B3GALT1: variants seen among roughly 807,000 people sequenced by gnomAD.
B3GALT1 encodes UDP-Gal:betaGlcNAc beta 1,3-galactosyltransferase, polypeptide 1.
A neutral mutation model predicts 23.2 loss-of-function variants in B3GALT1; 10 were observed. The observed-to-expected ratio is 0.43, with a 90% CI of 0.27 to 0.73. The LOEUF (loss-of-function observed/expected upper bound fraction) is 0.73, where lower values mean the gene tolerates loss of function less well. Among genes scored for constraint, B3GALT1 ranks in the 30% least tolerant of loss-of-function variants. The pLI, the probability that B3GALT1 is intolerant of heterozygous loss-of-function variation, is 0.21. For missense variants in B3GALT1, 299 were observed against 405.4 expected, an observed-to-expected ratio of 0.74 and a Z score of 2.25; for synonymous variants, 156 against 141.5, an observed-to-expected ratio of 1.10 and a Z score of -0.73.
intron 1 of B3GALT1, among the ~76,000 whole-genome samples, chr2:167,478,010 TTAAAA>T (rs1171031695): frequency 2.6e-5 from 4 of 152,214 alleles, no homozygotes; most frequent in African/African-American, 9.6e-5. Flanking sequence ...GCACAAAACA[TTAAAA>T]TAGAATATAT....
intron 1 of B3GALT1, among the ~76,000 whole-genome samples, chr2:167,409,003 C>T (rs530637766): frequency 6.6e-6 from 1 of 152,158 alleles, no homozygotes; most frequent in East Asian, 1.9e-4. Context: ...ACATTATTTA[C>T]AGAAATAGAA....
chr2:167,443,865 C>G (rs995605381), intron 1 of B3GALT1, among the ~76,000 whole-genome samples: 1 of 152,154 alleles, frequency 6.6e-6, no homozygotes, highest in African/African-American at 2.4e-5. Context: ...TTCTTTCTTT[C>G]TCCTGCCTGA....
chr2:167,867,424 T>G (rs904729535), intron 4 of B3GALT1, among the ~76,000 whole-genome samples: 22 of 152,296 alleles, frequency 1.4e-4, no homozygotes, highest in Non-Finnish European at 3.1e-4. Flanking sequence ...GGCCTAACTA[T>G]GCCTAGAGTC....
At chr2:167,419,614 A>G (rs1029381019) in intron 1 of B3GALT1, among the ~76,000 whole-genome samples, 1 of 152,232 alleles carries the variant, frequency 6.6e-6, no homozygotes, top group Non-Finnish European at 1.5e-5. Context: ...AAGTAAGGAC[A>G]GAAAGCCTTT....
Position 167,737,077 on chromosome 2 carries a change from C to G in B3GALT1, c.-351-81595C>G, listed in dbSNP as rs551129814. On this transcript the variant is annotated intron_variant, in intron 3 of 4. Transcript: ENST00000392690. ...GCAGATTTTAAAATCTATTTTTTTC[C>G]AATAATTACCTTTCCATTTAATTGT... is the stretch of plus-strand genomic sequence containing the variant. Among the ~76,000 whole-genome samples, 53 of 152,118 alleles carry G rather than the reference C, an allele frequency of 3.5e-4. No homozygotes were observed. In the South Asian group the frequency reaches 8.9e-3, roughly 26 times the overall value.
At chr2:167,635,826 C>T (rs1685542636) in intron 2 of B3GALT1, among the ~76,000 whole-genome samples, 1 of 152,060 alleles carries the variant, frequency 6.6e-6, no homozygotes, top group South Asian at 2.1e-4. Context: ...ACTTTCTTCA[C>T]AGAATTAGAA....
chr2:167,426,510 C>G (rs2105304858), intron 1 of B3GALT1, among the ~76,000 whole-genome samples: 1 of 152,240 alleles, frequency 6.6e-6, no homozygotes, highest in Non-Finnish European at 1.5e-5. Flanking sequence ...CTCTTGACCT[C>G]AGGTGATCCA....
intron 1 of B3GALT1, among the ~76,000 whole-genome samples, chr2:167,442,561 G>A (rs1698911875): frequency 1.3e-5 from 2 of 151,728 alleles, no homozygotes; most frequent in African/African-American, 4.9e-5. Flanking sequence ...ACTTTTGAAT[G>A]ATTGCCATTC....
intron 3 of B3GALT1, among the ~76,000 whole-genome samples, chr2:167,766,381 G>A (rs1687976438): frequency 6.6e-6 from 1 of 152,080 alleles, no homozygotes; most frequent in Non-Finnish European, 1.5e-5. Flanking sequence ...TGTACTAGGG[G>A]ACTCCAAAAA....
chr2:167,591,177 G>A (rs1194234689), intron 2 of B3GALT1, among the ~76,000 whole-genome samples: 1 of 152,144 alleles, frequency 6.6e-6, no homozygotes, highest in South Asian at 2.1e-4. Context: ...ATCTGTGTGT[G>A]TAAGAACGTA....
chr2:167,789,791 A>T (rs1175152490), intron 3 of B3GALT1, among the ~76,000 whole-genome samples: 1 of 151,918 alleles, frequency 6.6e-6, no homozygotes, highest in Non-Finnish European at 1.5e-5. Context: ...CCTCCCCCAC[A>T]GCCCCCAGCT....
At chr2:167,623,668 G>T (rs938080973) in intron 2 of B3GALT1, among the ~76,000 whole-genome samples, 12 of 152,098 alleles carry the variant, frequency 7.9e-5, no homozygotes, top group Admixed American at 5.2e-4. Flanking sequence ...GGGTTGATGG[G>T]TGCACCAAAC....
chr2:167,569,303 A>C (rs1489933538), intron 2 of B3GALT1, among the ~76,000 whole-genome samples: 1 of 151,854 alleles, frequency 6.6e-6, no homozygotes, highest in Non-Finnish European at 1.5e-5. Context: ...CAATACATCA[A>C]CATCTTCCTA....
intron 1 of B3GALT1, among the ~76,000 whole-genome samples, chr2:167,469,697 T>C (rs567987468): frequency 1.6e-4 from 24 of 152,330 alleles, no homozygotes; most frequent in African/African-American, 5.8e-4. Context: ...TTTGATAATA[T>C]ACTGTTGAAT....
chr2:167,854,408 A>G (rs905907680), intron 4 of B3GALT1, among the ~76,000 whole-genome samples: 1 of 152,178 alleles, frequency 6.6e-6, no homozygotes, highest in African/African-American at 2.4e-5. Context: ...TGCAGCCCAA[A>G]AAGTACCTGA....
chr2:167,517,524 A>G (rs1700124803), intron 2 of B3GALT1, among the ~76,000 whole-genome samples: 1 of 152,038 alleles, frequency 6.6e-6, no homozygotes, highest in Non-Finnish European at 1.5e-5. Context: ...GAAATTTTAT[A>G]TGCACTTTTT....
intron 1 of B3GALT1, among the ~76,000 whole-genome samples, chr2:167,368,083 G>GT: frequency 6.6e-6 from 1 of 152,154 alleles, no homozygotes; most frequent in Non-Finnish European, 1.5e-5. Flanking sequence ...TGAGGGACAT[G>GT]TTTTTCTAAG....
At chr2:167,354,409 C>T (rs1410787549) in intron 1 of B3GALT1, among the ~76,000 whole-genome samples, 1 of 145,558 alleles carries the variant, frequency 6.9e-6, no homozygotes, top group African/African-American at 2.6e-5. Flanking sequence ...TGCAGTGGTG[C>T]GATCTCGGCT....
At chr2:167,466,762 G>C (rs1232732364) in intron 1 of B3GALT1, among the ~76,000 whole-genome samples, 2 of 151,024 alleles carry the variant, frequency 1.3e-5, no homozygotes, top group Non-Finnish European at 2.9e-5. Flanking sequence ...GCCCAGGCTG[G>C]AGTGCAGTGG....
Sources: gnomAD v4.1 joint callset for allele counts (sites outside exome capture counted in the v4.1 genomes callset) on GRCh38, gnomAD v4.1.1 for gene constraint, MANE v1.5 for transcripts, NCBI Gene and HGNC (gene_info 2026-07-23, HGNC 2026-07-21) for gene names.